IGFN1: variants seen among roughly 807,000 people sequenced by gnomAD.
IGFN1 encodes immunoglobulin like and fibronectin type III domain containing 1.
A neutral mutation model predicts 289.5 loss-of-function variants in IGFN1; 253 were observed. That is an observed-to-expected ratio of 0.87 (90% CI 0.79 to 0.97). The LOEUF (loss-of-function observed/expected upper bound fraction) is 0.97, where lower values mean the gene tolerates loss of function less well. Among genes scored for constraint, IGFN1 ranks in the 50% least tolerant of loss-of-function variants. The probability of loss-of-function intolerance (pLI) is 0.00; values close to 1 mark genes in which losing one functional copy is unlikely to be tolerated. For synonymous variants in IGFN1, 1,706 were observed against 1,788.5 expected (o/e 0.95, Z 1.16); for missense variants, 4,470 against 4,686.1 (o/e 0.95, Z 1.35).
rs938255860 is a variant in IGFN1 at position 201,208,498 on chromosome 1, G to A, written c.3605G>A (p.Ser1202Asn). The stretch of plus-strand genomic sequence containing the variant: ...CCTCACAATGGGGCCGCTTCTGGGA[G>A]CCAGTGGGCTTATGGGGCTGGCAAT... ...LAPHNGAASG[S>N]QWAYGAGNVL... is the part of the protein sequence containing the mutation. Residue 1202 changes from serine (S) to asparagine (N), a missense_variant, in exon 12 of 24, where the codon AGC becomes AAC. Transcript: ENST00000335211. 4.8e-6 allele frequency: 7 copies of A among 1,449,134 alleles called. 1 individual carries two copies. The South Asian group carries it at 8.9e-5, about 18-fold the overall frequency. 89.8% of individuals were successfully genotyped at this position (1,449,134 alleles called of 1,614,324 possible).
chr1:201,193,275 T>C lies in IGFN1; in HGVS notation c.-19T>C. 1 of 1,532,794 alleles carries C rather than the reference T, an allele frequency of 6.5e-7. No individual in the cohort carries two copies. The highest frequency in any genetic ancestry group is 8.9e-7 in the Non-Finnish European group (1 of 1,129,776). 94.9% of individuals were successfully genotyped at this position (1,532,794 alleles called of 1,614,324 possible). ...AATAGAACTTCTACCCTCAGAGGAG[T>C]CAAAGAGGAGGCAGAACTATGGCAG... On this transcript the variant is annotated 5_prime_UTR_variant, in exon 2 of 24. Coordinates refer to ENST00000335211, the MANE Select transcript of IGFN1 (RefSeq NM_001164586.2).
intron 19 of IGFN1, chr1:201,222,275 C>G (rs114663422): frequency 6.3e-6 from 1 of 158,790 alleles, no homozygotes; most frequent in Non-Finnish European, 1.4e-5. Flanking sequence ...CACTGGGCCA[C>G]CCCAGCTGAC....
At chr1:201,219,057 GA>G (rs1247623615) in intron 18 of IGFN1, among the ~76,000 whole-genome samples, 1 of 36,628 alleles carries the variant, frequency 2.7e-5, no homozygotes, top group East Asian at 2.4e-3. Context: ...GAAAAGAAAA[GA>G]AAGAAGAAAA....
chr1:201,227,791 G>C (rs1654206594), intron 23 of IGFN1, among the ~76,000 whole-genome samples: 1 of 152,156 alleles, frequency 6.6e-6, no homozygotes, highest in Non-Finnish European at 1.5e-5. Context: ...TTGAAGGGCT[G>C]TGTACTGCTC....
intron 1 of IGFN1, 51 bp from the exon 2 acceptor site, chr1:201,193,196 G>C (rs1029994076): frequency 9.3e-6 from 8 of 856,124 alleles, no homozygotes; most frequent in African/African-American, 5.0e-5. Flanking sequence ...TGGGAGGGGT[G>C]GGGTGAGACC....
At chr1:201,215,294 T>A in intron 14 of IGFN1, 140 bp downstream of exon 14, 1 of 1,063,540 alleles carries the variant, frequency 9.4e-7, no homozygotes, top group Non-Finnish European at 1.3e-6. Context: ...GAAGATGATT[T>A]AAAAAGCCGA....
rs1440484612 is a variant in IGFN1 at position 201,206,861 on chromosome 1, T to C, written c.1968T>C (p.Gly656=). Residue 656 remains glycine, a synonymous_variant, in exon 12 of 24, where the codon GGT becomes GGC. Coordinates refer to ENST00000335211, the MANE Select transcript of IGFN1 (RefSeq NM_001164586.2). ...GGGGGAGAGGAATAGTAGTGTGGGG[T>C]GGTGGGACTGGCCTGGGAGAAGCTG... ...RERGRGIVVW[G]GGTGLGEAGD... is the part of the protein sequence containing the mutation. The C allele has an allele frequency of 6.5e-7, 1 of 1,535,462 alleles. No individual in the cohort carries two copies.
Position 201,199,634 on chromosome 1 carries a change from C to G in IGFN1, c.438C>G (p.Phe146Leu), listed in dbSNP as rs1667061670. The G allele has an allele frequency of 6.4e-7, 1 of 1,551,612 alleles. No homozygotes were observed. The highest frequency in any genetic ancestry group is 8.7e-7 in the Non-Finnish European group (1 of 1,146,940). ...ACCTCAGGAAGGAGCTGATGGACTT[C>G]CGGAAGTTGCTGAAAAAGAGGTGGG... ...QEDLRKELMD[F>L]RKLLKKRAPP... Residue 146 changes from phenylalanine (F) to leucine (L), a missense_variant, in exon 7 of 24, where the codon TTC (phenylalanine) becomes TTG (leucine). This residue lies in a region of IGFN1 where 2,011 missense variants were observed against 1,953.4 expected (regional missense o/e 1.03). Coordinates refer to ENST00000335211, the MANE Select transcript of IGFN1 (RefSeq NM_001164586.2).
chr1:201,227,584 C>T (rs911109741), intron 23 of IGFN1, among the ~76,000 whole-genome samples: 1 of 152,016 alleles, frequency 6.6e-6, no homozygotes, highest in Non-Finnish European at 1.5e-5. Flanking sequence ...TCCGCCACCA[C>T]ACCTGGCGGA....
intron 3 of IGFN1, among the ~76,000 whole-genome samples, chr1:201,195,443 C>T (rs573586318): frequency 3.3e-5 from 5 of 152,296 alleles, no homozygotes; most frequent in African/African-American, 1.2e-4. Flanking sequence ...TGAGCCCCTG[C>T]GCCTGCCCGG....
Position 201,203,755 on chromosome 1 carries a change from C to T in IGFN1, c.765C>T (p.Pro255=). Residue 255 remains proline (P), a synonymous_variant, in exon 10 of 24, where the codon CCC becomes CCT. Transcript: ENST00000335211. ...GGCCTTAGGATGGTGAGATGATCCC[C>T]TATGGCTTCAACAACCAAACCAAGC... The part of the protein sequence containing the change: ...IYLYKDGEMI[P]YGFNNQTKHC... The T allele has an allele frequency of 6.4e-7, 1 of 1,551,820 alleles. No individual in the cohort carries two copies. The highest frequency in any genetic ancestry group is 8.7e-7 in the Non-Finnish European group (1 of 1,147,052).
intron 15 of IGFN1, chr1:201,216,125 C>A: frequency 1.5e-6 from 1 of 654,074 alleles, no homozygotes; most frequent in Admixed American, 2.1e-5. Flanking sequence ...TGGTCCCCAG[C>A]CCTGAGTGGT....
intron 11 of IGFN1, among the ~76,000 whole-genome samples, 182 bp from the exon 12 acceptor site, chr1:201,205,901 T>C (rs1346666475): frequency 6.6e-6 from 1 of 152,202 alleles, no homozygotes; most frequent in Non-Finnish European, 1.5e-5. Context: ...CACCCATCCA[T>C]CCCTGGAACA....
intron 11 of IGFN1, among the ~76,000 whole-genome samples, chr1:201,205,833 A>T (rs1280311744): frequency 6.6e-6 from 1 of 152,232 alleles, no homozygotes; most frequent in African/African-American, 2.4e-5. Context: ...CAAAACCCTC[A>T]TGAAGCCTAT....
chr1:201,212,869 C>A lies in IGFN1; in HGVS notation c.7976C>A (p.Ala2659Asp). The A allele has an allele frequency of 1.3e-6, 2 of 1,551,200 alleles. No homozygotes were observed. Among genetic ancestry groups the A allele is most frequent in the Non-Finnish European group, 1.7e-6 (2 of 1,146,868 alleles). The change falls in exon 12 of 24, where the codon GCC (alanine) becomes GAC (aspartate). Residue 2659 changes from alanine (A) to aspartate (D), a missense_variant. Physicochemically the swap from Ala to Asp is moderately radical, Grantham distance 126. This residue lies in a region of IGFN1 where 2,218 missense variants were observed against 2,114.1 expected (regional missense o/e 1.05). Transcript: ENST00000335211. ...TCCGGTTCTCTGCAGGAGAAAGATG[C>A]CGCTTTTGGTGGGACCCATGAAGGG... ...RASGSLQEKD[A>D]AFGGTHEGPG...
intron 2 of IGFN1, among the ~76,000 whole-genome samples, chr1:201,193,728 T>C (rs1333059458): frequency 6.6e-6 from 1 of 152,190 alleles, no homozygotes; most frequent in Non-Finnish European, 1.5e-5. Context: ...CTGGGATTAC[T>C]GGCGTAAGCC....
chr1:201,226,893 G>A lies in IGFN1; in HGVS notation c.10798G>A (p.Val3600Met), dbSNP rs757103743. The A allele has an allele frequency of 6.3e-7, 1 of 1,588,962 alleles. No homozygotes were observed. Among genetic ancestry groups the A allele is most frequent in the Non-Finnish European group, 8.6e-7 (1 of 1,165,764 alleles). The change falls in exon 23 of 24, where the codon GTG becomes ATG. Residue 3600 changes from valine to methionine, a missense_variant. By Grantham distance (21) the Val-to-Met change is conservative. This residue lies in a region of IGFN1 where 2,218 missense variants were observed against 2,114.1 expected (regional missense o/e 1.05). Transcript: ENST00000335211. ...CIPRQRDRFT[V>M]KAPCYREPDL... The stretch of plus-strand genomic sequence containing the variant: ...GGCTTTCACCACAGACAGGTTCACA[G>A]TGAAGGCTCCGTGCTACCGGGAGCC...
rs200585317 is a variant in IGFN1 at position 201,200,828 on chromosome 1, C to CTTTTTT, written c.633+420_633+421insTTTTTT. 5.2e-5 allele frequency among the ~76,000 whole-genome samples: 6 copies of CTTTTTT among 114,406 alleles called. 2 individuals carry two copies. Among genetic ancestry groups the CTTTTTT allele is most frequent in the South Asian group, 3.1e-4 (1 of 3,276 alleles). 75.1% of individuals were successfully genotyped at this position (114,406 alleles called of 152,430 possible). ...CGGGGGGGAGGTACCTGGTTTATTT[C>CTTTTTT]TTTCTTTTTTTTTTTTTTTTTAAGA... is the stretch of plus-strand genomic sequence containing the variant. On this transcript the variant is annotated intron_variant, in intron 8 of 23. Transcript: ENST00000335211.
chr1:201,226,982 C>G lies in IGFN1; in HGVS notation c.10887C>G (p.Cys3629Trp), dbSNP rs535217137. ...GLRSHLLPQG[C>W]ECCMSCAVQG... Reference sequence around the variant, plus strand: ...GGTCCCACCTGCTGCCCCAGGGCTGCGAGTGCTGCATGAGCTGTGCCGTGC... The same window carrying G: ...GGTCCCACCTGCTGCCCCAGGGCTGGGAGTGCTGCATGAGCTGTGCCGTGC... The change falls in exon 23 of 24, where the codon TGC becomes TGG. Residue 3629 changes from cysteine to tryptophan, a missense_variant. Cys to Trp is a radical substitution (Grantham distance 215). Around this residue, in one of 8 missense-constraint regions of IGFN1, gnomAD observed 2,218 missense variants for 2,114.1 expected, o/e 1.05. Coordinates refer to ENST00000335211, the MANE Select transcript of IGFN1 (RefSeq NM_001164586.2). 2 of 1,613,192 alleles carry G rather than the reference C, an allele frequency of 1.2e-6. No homozygotes were observed. Among genetic ancestry groups the G allele is most frequent in the Non-Finnish European group, 1.7e-6 (2 of 1,179,972 alleles).
Sources: gnomAD v4.1 joint callset for allele counts (sites outside exome capture counted in the v4.1 genomes callset) on GRCh38, gnomAD v4.1.1 for gene constraint, gnomAD v4.1.1 regional missense constraint, MANE v1.5 for transcripts, NCBI Gene and HGNC (gene_info 2026-07-23, HGNC 2026-07-21) for gene names.